The following RBFOX1 variants were observed in gnomAD, a reference collection of about 807,000 sequenced individuals.
The protein encoded by RBFOX1 is RNA binding protein fox-1 homolog 1.
Under a neutral mutation model 57.7 loss-of-function variants are expected in RBFOX1, and 8 were observed. The ratio of observed to expected loss-of-function variants is 0.14; its 90% confidence interval spans 0.08 to 0.25. RBFOX1 has a LOEUF of 0.25. RBFOX1 is among the 10% of genes least tolerant of loss of function. The pLI is 1.00. For missense variants in RBFOX1, 611 were observed against 548.5 expected (o/e 1.11, Z -1.14); for synonymous variants, 326 against 222.4 (o/e 1.47, Z -4.15).
Position 6,223,249 on chromosome 16 carries a change from G to T in RBFOX1, c.-126-93746G>T, listed in dbSNP as rs371646599. Among the ~76,000 whole-genome samples the T allele has an allele frequency of 2.0e-5, 3 of 150,344 alleles. No individual in the cohort carries two copies. The South Asian group carries it at 6.4e-4, about 32-fold the overall frequency. On this transcript the variant is annotated intron_variant, in intron 1 of 15. Coordinates refer to ENST00000550418, the MANE Select transcript of RBFOX1 (RefSeq NM_018723.4). ...GATGGCTGGGTCAAATGGTATTTCTGGTTCTAGATCCCTGAGGAATCGCCA... is the reference window on the plus strand; with the variant it reads ...GATGGCTGGGTCAAATGGTATTTCTTGTTCTAGATCCCTGAGGAATCGCCA...
At chr16:5,810,816 A>G (rs2055396401) in intron 3 of RBFOX1, among the ~76,000 whole-genome samples, 1 of 152,174 alleles carries the variant, frequency 6.6e-6, no homozygotes, top group Non-Finnish European at 1.5e-5. Flanking sequence ...GGAAATCATC[A>G]CAAAATTCAA....
At chr16:6,882,824 C>T (rs1197184750) in intron 3 of RBFOX1, among the ~76,000 whole-genome samples, 1 of 152,012 alleles carries the variant, frequency 6.6e-6, no homozygotes, top group Non-Finnish European at 1.5e-5. Flanking sequence ...TGTTTCTTTG[C>T]CCCTTTTCAG....
At chr16:7,045,569 G>T (rs2169853) in intron 3 of RBFOX1, among the ~76,000 whole-genome samples, 27,734 of 152,140 alleles carry the variant, frequency 0.18, 2,981 homozygotes, top group African/African-American at 0.3. Context: ...GGTTCCTTCA[G>T]TGTCGTCATT....
At chr16:7,320,444 GGTAT>G (rs1436131522) in intron 4 of RBFOX1, among the ~76,000 whole-genome samples, 1 of 152,064 alleles carries the variant, frequency 6.6e-6, no homozygotes, top group Non-Finnish European at 1.5e-5. Flanking sequence ...TTCCATGGTG[GGTAT>G]GTACCACATT....
chr16:5,487,684 C>A (rs577170245), intron 2 of RBFOX1, among the ~76,000 whole-genome samples: 3 of 152,342 alleles, frequency 2.0e-5, no homozygotes, highest in East Asian at 3.9e-4. Context: ...ATGGTTATGT[C>A]TTCCAAGATG....
At chr16:6,432,914 G>A (rs139201904) in intron 2 of RBFOX1, among the ~76,000 whole-genome samples, 1 of 152,320 alleles carries the variant, frequency 6.6e-6, no homozygotes, top group Non-Finnish European at 1.5e-5. Flanking sequence ...GGAGGTGGAT[G>A]TTGCACTGAG....
intron 1 of RBFOX1, among the ~76,000 whole-genome samples, chr16:5,369,761 A>G (rs2151367386): frequency 6.6e-6 from 1 of 152,134 alleles, no homozygotes; most frequent in Non-Finnish European, 1.5e-5. Context: ...CTTATACCTC[A>G]CCTGCTCTAC....
At chr16:6,560,826 A>C (rs1461429142) in intron 2 of RBFOX1, among the ~76,000 whole-genome samples, 1 of 152,180 alleles carries the variant, frequency 6.6e-6, no homozygotes. Context: ...CTTGCTCTTC[A>C]TGGAATCTCC....
chr16:7,650,354 G>A (rs886066238), intron 11 of RBFOX1, among the ~76,000 whole-genome samples: 2 of 151,174 alleles, frequency 1.3e-5, no homozygotes, highest in African/African-American at 4.9e-5. Flanking sequence ...AGCCTTCCAG[G>A]AAGGCACTAT....
At chr16:6,620,451 G>A (rs1014206546) in intron 2 of RBFOX1, among the ~76,000 whole-genome samples, 1 of 152,078 alleles carries the variant, frequency 6.6e-6, no homozygotes, top group Non-Finnish European at 1.5e-5. Flanking sequence ...AGAAACAAGA[G>A]CAAACAAATC....
At chr16:6,067,406 A>AACAC (rs2095781197) in intron 1 of RBFOX1, among the ~76,000 whole-genome samples, 1 of 152,170 alleles carries the variant, frequency 6.6e-6, no homozygotes, top group Non-Finnish European at 1.5e-5. Flanking sequence ...CAAACAAACA[A>AACAC]ACACCCTGAA....
chr16:6,987,612 T>C (rs1599271320), intron 3 of RBFOX1, among the ~76,000 whole-genome samples: 1 of 152,120 alleles, frequency 6.6e-6, no homozygotes, highest in East Asian at 1.9e-4. Flanking sequence ...CATTCATAAA[T>C]GGAATTTCCA....
chr16:6,578,792 A>T (rs2097487692), intron 2 of RBFOX1, among the ~76,000 whole-genome samples: 1 of 152,150 alleles, frequency 6.6e-6, no homozygotes, highest in Non-Finnish European at 1.5e-5. Context: ...TTTATTAAAT[A>T]TAATATAGAT....
chr16:5,439,867 G>C (rs1258623866), intron 1 of RBFOX1, among the ~76,000 whole-genome samples: 2 of 152,146 alleles, frequency 1.3e-5, no homozygotes, highest in Admixed American at 6.5e-5. Flanking sequence ...GTTAGGGTTA[G>C]GGCATGAGAT....
At chr16:7,484,660 C>T (rs1365803644) in intron 4 of RBFOX1, among the ~76,000 whole-genome samples, 1 of 152,154 alleles carries the variant, frequency 6.6e-6, no homozygotes, top group Non-Finnish European at 1.5e-5. Context: ...GACAAGGTTT[C>T]ACCATGTTGG....
At chr16:5,752,980 C>T (rs1040980409) in intron 3 of RBFOX1, among the ~76,000 whole-genome samples, 9 of 152,188 alleles carry the variant, frequency 5.9e-5, no homozygotes, top group Admixed American at 5.9e-4. Context: ...AGTGAGACCT[C>T]ATCACTCCAA....
intron 2 of RBFOX1, among the ~76,000 whole-genome samples, chr16:6,434,492 A>G (rs1418121488): frequency 1.3e-5 from 2 of 152,130 alleles, no homozygotes; most frequent in African/African-American, 4.8e-5. Context: ...CTCATTTGTG[A>G]ACTGTGTATT....
intron 3 of RBFOX1, among the ~76,000 whole-genome samples, chr16:7,038,917 G>T (rs2045326513): frequency 6.6e-6 from 1 of 152,088 alleles, no homozygotes; most frequent in South Asian, 2.1e-4. Flanking sequence ...AAATTCTGTG[G>T]GCATCCTGAC....
At chr16:6,480,902 C>T (rs2095361808) in intron 2 of RBFOX1, among the ~76,000 whole-genome samples, 1 of 152,076 alleles carries the variant, frequency 6.6e-6, no homozygotes, top group Admixed American at 6.6e-5. Flanking sequence ...GGTATTCCAT[C>T]ATATGATATG....
Sources: allele counts gnomAD v4.1 joint callset (sites outside exome capture counted in the v4.1 genomes callset), GRCh38; gene constraint gnomAD v4.1.1; transcripts MANE v1.5; gene names NCBI Gene and HGNC (gene_info 2026-07-23, HGNC 2026-07-21).